CTNNA3: variants seen among roughly 807,000 people sequenced by gnomAD.
CTNNA3 encodes the protein catenin alpha-3.
In CTNNA3, 76 loss-of-function variants were observed where a neutral mutation model predicts 95.7. That is an observed-to-expected ratio of 0.79 (90% CI 0.66 to 0.96). The LOEUF (loss-of-function observed/expected upper bound fraction) is 0.96, where lower values mean the gene tolerates loss of function less well. Among genes scored for constraint, CTNNA3 ranks in the 40% least tolerant of loss-of-function variants. The probability of loss-of-function intolerance (pLI) is 0.00; values close to 1 mark genes in which losing one functional copy is unlikely to be tolerated. For synonymous variants in CTNNA3, 431 were observed against 374.4 expected (o/e 1.15, Z -1.74); for missense variants, 1,191 against 1,089.8 (o/e 1.09, Z -1.31).
At chr10:67,198,781 T>C (rs1357983182) in intron 6 of CTNNA3, among the ~76,000 whole-genome samples, 1 of 152,210 alleles carries the variant, frequency 6.6e-6, no homozygotes, top group Non-Finnish European at 1.5e-5. Context: ...TGGATCTTTT[T>C]GCTTTGCTAG....
chr10:65,944,004 T>C (rs1274148244), intron 17 of CTNNA3, among the ~76,000 whole-genome samples: 1 of 152,230 alleles, frequency 6.6e-6, no homozygotes, highest in Admixed American at 6.5e-5. Context: ...AACTAATTTA[T>C]GTATGTATGC....
At chr10:66,456,958 G>T (rs1389731095) in intron 11 of CTNNA3, among the ~76,000 whole-genome samples, 1 of 151,970 alleles carries the variant, frequency 6.6e-6, no homozygotes, top group Non-Finnish European at 1.5e-5. Flanking sequence ...GCTGGGTGTG[G>T]TGGCATGCAC....
chr10:67,648,600 G>A, intron 1 of CTNNA3: 2 of 697,508 alleles, frequency 2.9e-6, no homozygotes, highest in Non-Finnish European at 4.1e-6. Flanking sequence ...ATTTTGCCTT[G>A]AAAAAATAAT....
At chr10:66,940,613 C>T (rs1219310708) in intron 7 of CTNNA3, among the ~76,000 whole-genome samples, 1 of 152,044 alleles carries the variant, frequency 6.6e-6, no homozygotes, top group Non-Finnish European at 1.5e-5. Context: ...AATATGAAAC[C>T]CACAAATTAT....
chr10:66,007,641 A>G (rs2078914314), intron 15 of CTNNA3, among the ~76,000 whole-genome samples: 1 of 149,744 alleles, frequency 6.7e-6, no homozygotes, highest in Admixed American at 6.7e-5. Context: ...TATATTAGGT[A>G]GCTCCATCTG....
chr10:66,106,333 G>GTT (rs1303441963), intron 13 of CTNNA3, among the ~76,000 whole-genome samples: 7 of 112,124 alleles, frequency 6.2e-5, no homozygotes, highest in African/African-American at 2.4e-4. Context: ...GTGTGTGTGT[G>GTT]TGTTTGTGTG....
At chr10:66,197,173 GT>G (rs574300914) in intron 13 of CTNNA3, among the ~76,000 whole-genome samples, 2 of 151,674 alleles carry the variant, frequency 1.3e-5, no homozygotes, top group Non-Finnish European at 2.9e-5. Context: ...GATCTCTAGA[GT>G]TTTTTTACAT....
At chr10:65,958,661 C>T (rs61860083) in intron 17 of CTNNA3, among the ~76,000 whole-genome samples, 1,842 of 152,276 alleles carry the variant, frequency 0.012, 16 homozygotes, top group Non-Finnish European at 0.018. Flanking sequence ...AGGTCCACTC[C>T]AGACCCAGTT....
intron 11 of CTNNA3, among the ~76,000 whole-genome samples, chr10:66,448,332 T>C (rs1450721424): frequency 1.3e-5 from 2 of 152,190 alleles, no homozygotes; most frequent in Non-Finnish European, 2.9e-5. Flanking sequence ...ACTGGGTATA[T>C]ACCCAAAGGA....
intron 3 of CTNNA3, 54 bp downstream of exon 3, chr10:67,606,803 G>A: frequency 7.3e-7 from 1 of 1,369,592 alleles, no homozygotes; most frequent in Non-Finnish European, 1.0e-6. Flanking sequence ...TAATTTGGGT[G>A]ACTAACACCC....
intron 7 of CTNNA3, among the ~76,000 whole-genome samples, chr10:66,895,393 G>T (rs1845440876): frequency 6.6e-6 from 1 of 152,120 alleles, no homozygotes; most frequent in Non-Finnish European, 1.5e-5. Flanking sequence ...AAACTTTTAT[G>T]AAGTAGATCA....
chr10:66,945,167 C>T (rs975512562), intron 7 of CTNNA3, among the ~76,000 whole-genome samples: 10 of 152,142 alleles, frequency 6.6e-5, no homozygotes, highest in Non-Finnish European at 4.4e-5. Context: ...TATGGGGGTC[C>T]TAGATGGCAT....
At chr10:66,807,558 C>G (rs996395935) in intron 7 of CTNNA3, among the ~76,000 whole-genome samples, 3 of 152,096 alleles carry the variant, frequency 2.0e-5, no homozygotes, top group African/African-American at 7.2e-5. Context: ...GGTCATTGGA[C>G]TGTTACCTGA....
At chr10:66,160,975 T>C (rs1287631466) in intron 13 of CTNNA3, among the ~76,000 whole-genome samples, 1 of 152,188 alleles carries the variant, frequency 6.6e-6, no homozygotes, top group Non-Finnish European at 1.5e-5. Flanking sequence ...TTAAAGTTTG[T>C]TTTGTGTGAT....
At chr10:67,691,652 C>G (rs552652361) in intron 1 of CTNNA3, among the ~76,000 whole-genome samples, 82 of 151,928 alleles carry the variant, frequency 5.4e-4, no homozygotes, top group African/African-American at 1.9e-3. Context: ...GCCCCTCCGC[C>G]CGGCAGCCGC....
At chr10:66,999,429 C>A (rs758187571) in intron 7 of CTNNA3, among the ~76,000 whole-genome samples, 22 of 152,096 alleles carry the variant, frequency 1.4e-4, no homozygotes, top group Non-Finnish European at 2.6e-4. Context: ...AAATTAAGAT[C>A]ATCAATTTGT....
At chr10:67,325,760 A>G (rs756315561) in intron 5 of CTNNA3, among the ~76,000 whole-genome samples, 3 of 152,088 alleles carry the variant, frequency 2.0e-5, no homozygotes, top group Non-Finnish European at 2.9e-5. Context: ...TTTGATCCAG[A>G]GCTGAGTTCA....
chr10:67,064,249 C>T (rs1052075010), intron 7 of CTNNA3, among the ~76,000 whole-genome samples: 2 of 152,000 alleles, frequency 1.3e-5, no homozygotes, highest in Non-Finnish European at 2.9e-5. Flanking sequence ...TCTCTGAAGT[C>T]TTGGGTTACT....
intron 3 of CTNNA3, among the ~76,000 whole-genome samples, chr10:67,567,182 TA>T (rs973802798): frequency 8.1e-5 from 11 of 135,466 alleles, no homozygotes; most frequent in African/African-American, 1.9e-4. Context: ...AATAATAAAA[TA>T]AAAAAAGAAA....
Sources: gnomAD v4.1 joint callset for allele counts (sites outside exome capture counted in the v4.1 genomes callset) on GRCh38, gnomAD v4.1.1 for gene constraint, MANE v1.5 for transcripts, NCBI Gene and HGNC (gene_info 2026-07-23, HGNC 2026-07-21) for gene names.